Variants in PDE1A observed in about 807,000 individuals in gnomAD.
The protein encoded by PDE1A is phosphodiesterase 1A.
In PDE1A, 35 loss-of-function variants were observed where a neutral mutation model predicts 61.7. That is an observed-to-expected ratio of 0.57 (90% CI 0.43 to 0.75). The LOEUF is 0.75. Among genes scored for constraint, PDE1A ranks in the 30% least tolerant of loss-of-function variants. The pLI is 0.00. For synonymous variants in PDE1A, 232 were observed against 213.2 expected (o/e 1.09, Z -0.77); for missense variants, 597 against 630.6 (o/e 0.95, Z 0.57).
intron 2 of PDE1A, among the ~76,000 whole-genome samples, chr2:182,513,513 C>T (rs1689944109): frequency 6.6e-6 from 1 of 152,178 alleles, no homozygotes; most frequent in Non-Finnish European, 1.5e-5. Flanking sequence ...GTACATAGAC[C>T]ATTGACACTA....
upstream of PDE1A, among the ~76,000 whole-genome samples, chr2:182,429,998 C>A (rs1703851006): frequency 6.6e-6 from 1 of 152,120 alleles, no homozygotes; most frequent in South Asian, 2.1e-4. Context: ...CACAGTGTTA[C>A]AAGTTATATA....
At chr2:182,143,759 C>T (rs976844970), downstream of PDE1A, among the ~76,000 whole-genome samples, 10 of 152,182 alleles carry the variant, frequency 6.6e-5, no homozygotes, top group African/African-American at 2.2e-4. Context: ...TCATGATCCA[C>T]CCACCTCGGC....
intron 2 of PDE1A, among the ~76,000 whole-genome samples, chr2:182,510,805 C>T (rs1015771582): frequency 1.3e-5 from 2 of 152,182 alleles, no homozygotes; most frequent in Non-Finnish European, 2.9e-5. Flanking sequence ...CACTTCTCCT[C>T]AGCTCTCTCT....
At chr2:182,418,863 G>T (rs1703088182) in intron 1 of PDE1A, among the ~76,000 whole-genome samples, 1 of 152,092 alleles carries the variant, frequency 6.6e-6, no homozygotes, top group Admixed American at 6.6e-5. Context: ...GGCCACAGAT[G>T]CATGGAAAAG....
At chr2:182,700,041 C>A in the PDE1A span, among the ~76,000 whole-genome samples, 800 of 152,284 alleles carry the variant, frequency 5.3e-3, 7 homozygotes, top group African/African-American at 0.018. Flanking sequence ...TATTCTCCAG[C>A]TTTTCTTTCT....
chr2:182,715,877 C>G, the PDE1A span, among the ~76,000 whole-genome samples: 1 of 152,336 alleles, frequency 6.6e-6, no homozygotes, highest in East Asian at 1.9e-4. Flanking sequence ...TCTCACCCAC[C>G]CATCACCCAG....
chr2:182,334,198 GA>G (rs1697620039), intron 1 of PDE1A, among the ~76,000 whole-genome samples: 1 of 151,058 alleles, frequency 6.6e-6, no homozygotes, highest in Admixed American at 6.6e-5. Flanking sequence ...CCAAACAATG[GA>G]AAAAGAAGGA....
chr2:182,318,620 T>A (rs1235464555), intron 1 of PDE1A, among the ~76,000 whole-genome samples: 2 of 152,164 alleles, frequency 1.3e-5, no homozygotes, highest in Admixed American at 6.6e-5. Flanking sequence ...GAGGCCCATA[T>A]GACAATCATG....
intron 2 of PDE1A, among the ~76,000 whole-genome samples, chr2:182,499,598 T>TGTATTTC (rs1316611257): frequency 6.6e-6 from 1 of 152,046 alleles, no homozygotes; most frequent in Non-Finnish European, 1.5e-5. Flanking sequence ...GGGAAGAACA[T>TGTATTTC]CACACAAAAA....
the PDE1A span, among the ~76,000 whole-genome samples, chr2:182,700,740 A>AAAAAAAAAAAAAAAAC: frequency 1.5e-5 from 2 of 134,280 alleles, no homozygotes; most frequent in Non-Finnish European, 3.3e-5. Context: ...AAAAAAAAAA[A>AAAAAAAAAAAAAAAAC]CAGAAAGAAA....
intron 1 of PDE1A, among the ~76,000 whole-genome samples, chr2:182,309,889 A>C (rs1018493151): frequency 2.6e-5 from 4 of 152,130 alleles, no homozygotes; most frequent in African/African-American, 9.7e-5. Context: ...AAATAGTTAA[A>C]ATAGGAATCA....
chr2:182,499,194 T>TTTTTTTA (rs1688937687), intron 2 of PDE1A, among the ~76,000 whole-genome samples: 1 of 101,430 alleles, frequency 9.9e-6, no homozygotes, highest in African/African-American at 3.6e-5. Flanking sequence ...TTTTTTTTTT[T>TTTTTTTA]GAGACGGAGT....
At chr2:182,434,474 T>C (rs1704110873) in intron 2 of PDE1A, among the ~76,000 whole-genome samples, 1 of 152,066 alleles carries the variant, frequency 6.6e-6, no homozygotes, top group African/African-American at 2.4e-5. Context: ...TCTGGTTTAG[T>C]GAGGGCCTTT....
chr2:182,689,868 A>C, the PDE1A span, among the ~76,000 whole-genome samples: 134 of 152,338 alleles, frequency 8.8e-4, no homozygotes, highest in Non-Finnish European at 1.6e-3. Flanking sequence ...ATCCCACAGA[A>C]ATACAAACTA....
chr2:182,424,075 G>T (rs1169164457), intron 1 of PDE1A, among the ~76,000 whole-genome samples: 2 of 151,326 alleles, frequency 1.3e-5, no homozygotes, highest in Admixed American at 6.6e-5. Context: ...CTCCCAAGTA[G>T]CTGGGACTAC....
At chr2:182,659,605 T>C in the PDE1A span, among the ~76,000 whole-genome samples, 2 of 152,176 alleles carry the variant, frequency 1.3e-5, no homozygotes, top group Non-Finnish European at 2.9e-5. Flanking sequence ...TTTCTACTCA[T>C]ATGGTAGTGA....
At chr2:182,201,013 G>C (rs761294844) in intron 10 of PDE1A, among the ~76,000 whole-genome samples, 1 of 152,086 alleles carries the variant, frequency 6.6e-6, no homozygotes, top group African/African-American at 2.4e-5. Flanking sequence ...GCCTATTTCA[G>C]TTAGGCATGT....
At chr2:182,557,717 A>G in the PDE1A span, among the ~76,000 whole-genome samples, 1 of 152,006 alleles carries the variant, frequency 6.6e-6, no homozygotes, top group African/African-American at 2.4e-5. Context: ...ATCTCAAAAA[A>G]ATAATAATAA....
At chr2:182,456,681 C>T (rs1467271349) in intron 2 of PDE1A, among the ~76,000 whole-genome samples, 1 of 151,992 alleles carries the variant, frequency 6.6e-6, no homozygotes, top group African/African-American at 2.4e-5. Context: ...TGATGTGATA[C>T]AACTGAGTAA....
Sources: allele counts gnomAD v4.1 joint callset (sites outside exome capture counted in the v4.1 genomes callset), GRCh38; gene constraint gnomAD v4.1.1; transcripts MANE v1.5; gene names NCBI Gene and HGNC (gene_info 2026-07-23, HGNC 2026-07-21).